The following SI variants were observed in gnomAD, a reference collection of about 807,000 sequenced individuals.
SI encodes the protein sucrase-isomaltase, intestinal.
In SI, 235 loss-of-function variants were observed where a neutral mutation model predicts 253.3. The observed-to-expected ratio is 0.93, with a 90% confidence interval of 0.83 to 1.03. SI has a LOEUF of 1.03. Ranked by LOEUF, SI falls within the 50% of genes least tolerant of loss-of-function variation. SI has a pLI of 0.00. For synonymous variants in SI, 819 were observed against 712.0 expected, an observed-to-expected ratio of 1.15 and a Z score of -2.39; for missense variants, 2,442 against 2,211.1, an observed-to-expected ratio of 1.10 and a Z score of -2.09.
chr3:164,985,555 G>A (rs1175663442), intron 45 of SI, among the ~76,000 whole-genome samples: 1 of 151,994 alleles, frequency 6.6e-6, no homozygotes, highest in Non-Finnish European at 1.5e-5. Context: ...TATTTCTTAT[G>A]GTTGCAGAAT....
intron 16 of SI, among the ~76,000 whole-genome samples, chr3:165,044,198 C>T (rs753876063): frequency 1.3e-5 from 2 of 151,758 alleles, no homozygotes; most frequent in African/African-American, 2.4e-5. Context: ...CTGAAAATAC[C>T]TGAAATCTGA....
chr3:165,038,076 T>G, intron 20 of SI, 52 bp from the exon 21 acceptor site: 1 of 1,490,468 alleles, frequency 6.7e-7, no homozygotes, highest in Non-Finnish European at 9.3e-7. Context: ...GACTTTAAAC[T>G]CTATTTCACA....
At chr3:165,038,127 C>T (rs562656021) in intron 20 of SI, 103 bp from the exon 21 acceptor site, 9 of 1,036,414 alleles carry the variant, frequency 8.7e-6, no homozygotes, top group Non-Finnish European at 1.3e-5. Flanking sequence ...TTCATGTCAT[C>T]CAAATGAATA....
At chr3:165,001,258 T>A (rs1338592315) in intron 37 of SI, among the ~76,000 whole-genome samples, 1 of 151,430 alleles carries the variant, frequency 6.6e-6, no homozygotes, top group Non-Finnish European at 1.5e-5. Flanking sequence ...TACAGACTGC[T>A]GTATAGTAGA....
chr3:165,017,637 A>G lies in SI; in HGVS notation c.3670T>C (p.Leu1224=). The G allele has an allele frequency of 6.2e-7, 1 of 1,612,834 alleles. No individual in the cohort carries two copies. The highest frequency in any genetic ancestry group is 8.5e-7 in the Non-Finnish European group (1 of 1,179,086). The change falls in exon 31 of 48, where the codon TTG becomes CTG. Residue 1224 remains leucine (L), a synonymous_variant. Transcript: ENST00000264382. ...CCATAACGACATAATTGGAATCCCAAAGCCCAATAAGCTGGCATGACTGGA... is the reference window on the plus strand; with the variant it reads ...CCATAACGACATAATTGGAATCCCAGAGCCCAATAAGCTGGCATGACTGGA... ...GHPVMPAYWA[L]GFQLCRYGYA... is the part of the protein sequence containing the mutation.
At chr3:165,067,557 A>G in intron 5 of SI, 66 bp from the exon 6 acceptor site, 3 of 1,316,610 alleles carry the variant, frequency 2.3e-6, no homozygotes, top group Non-Finnish European at 3.3e-6. Flanking sequence ...CCAGTTCTGA[A>G]TTATTAAATG....
At chr3:165,028,061 C>T (rs192873205) in intron 25 of SI, among the ~76,000 whole-genome samples, 34 of 151,444 alleles carry the variant, frequency 2.2e-4, no homozygotes, top group African/African-American at 7.2e-4. Context: ...CAAAAAGCTC[C>T]TAGAACTGAT....
chr3:165,073,224 C>G (rs1042126236), intron 3 of SI, among the ~76,000 whole-genome samples: 6 of 128,816 alleles, frequency 4.7e-5, no homozygotes, highest in Admixed American at 2.3e-4. Context: ...CTCTCTCTCT[C>G]TCTGTCTCTT....
At chr3:165,007,512 A>C (rs79622667) in intron 36 of SI, among the ~76,000 whole-genome samples, 18,340 of 151,980 alleles carry the variant, frequency 0.12, 1,175 homozygotes, top group South Asian at 0.17. Flanking sequence ...ACTTCTAAAA[A>C]CTTCCTTTCA....
chr3:165,053,389 G>C (rs1713534047), intron 13 of SI, among the ~76,000 whole-genome samples: 1 of 152,082 alleles, frequency 6.6e-6, no homozygotes, highest in Non-Finnish European at 1.5e-5. Flanking sequence ...ATAACAACTT[G>C]TTTTAGCTGG....
At position 165,032,529 on chromosome 3, in the gene SI, G is replaced by A; in HGVS notation, c.2729C>T (p.Ser910Phe). Reference sequence around the variant, plus strand: ...TTAAAAGATTGTAATTACCTGGTTAGAAGCATCATAAGTGAAATTGGAATG... The same window carrying A: ...TTAAAAGATTGTAATTACCTGGTTAAAAGCATCATAAGTGAAATTGGAATG... ...NAHSNFTYDA[S>F]NQVLLIADLK... The change falls in exon 24 of 48, where the codon TCT becomes TTT. Residue 910 changes from serine to phenylalanine, a missense_variant. Coordinates refer to ENST00000264382, the MANE Select transcript of SI (RefSeq NM_001041.4). The A allele has an allele frequency of 6.2e-7, 1 of 1,600,704 alleles. No homozygotes were observed. Among genetic ancestry groups the A allele is most frequent in the Non-Finnish European group, 8.5e-7 (1 of 1,169,842 alleles).
chr3:165,005,538 T>C lies in SI; in HGVS notation c.4406+1278A>G, dbSNP rs73163448. Among the ~76,000 whole-genome samples the C allele has an allele frequency of 8.8e-3, 1,337 of 152,202 alleles. 28 individuals are homozygous for C. The highest frequency in any genetic ancestry group is 0.05 in the East Asian group (258 of 5,156). On this transcript the variant is annotated intron_variant, in intron 37 of 47. Coordinates refer to ENST00000264382, the MANE Select transcript of SI (RefSeq NM_001041.4). ...AAAGAAAATCTCCAAGTGATTATAA[T>C]ATGTAGTCAAAAGCCAGGGATCTAC... is the stretch of plus-strand genomic sequence containing the variant.
intron 25 of SI, among the ~76,000 whole-genome samples, chr3:165,025,721 T>C (rs755497561): frequency 8.6e-5 from 13 of 151,346 alleles, no homozygotes; most frequent in Non-Finnish European, 1.6e-4. Context: ...GCCAAGACTT[T>C]TGTATCCAGA....
chr3:165,011,384 T>G (rs1337445270), intron 34 of SI, among the ~76,000 whole-genome samples: 4 of 151,824 alleles, frequency 2.6e-5, no homozygotes, highest in Non-Finnish European at 5.9e-5. Flanking sequence ...AAAAGTGGGT[T>G]GTTTAATTTC....
the SI span, among the ~76,000 whole-genome samples, chr3:165,087,684 T>C: frequency 6.6e-6 from 1 of 152,172 alleles, no homozygotes; most frequent in African/African-American, 2.4e-5. Flanking sequence ...TTTTATACTT[T>C]TTACCTCAGG....
At position 165,023,673 on chromosome 3, in the gene SI, A is replaced by T; in HGVS notation, c.2996T>A (p.Leu999His). 3 of 1,610,922 alleles carry T rather than the reference A, an allele frequency of 1.9e-6. No individual in the cohort carries two copies. The highest frequency in any genetic ancestry group is 1.7e-6 in the Non-Finnish European group (2 of 1,177,966). Residue 999 changes from leucine to histidine, a missense_variant, in exon 26 of 48, where the codon CTC becomes CAC. Coordinates refer to ENST00000264382, the MANE Select transcript of SI (RefSeq NM_001041.4). The stretch of plus-strand genomic sequence containing the variant: ...TCTGGCATTTGCAGTATTTAGTTGG[A>T]GGTCAGCTGTTATACCCATGGATGA... ...RYSSMGITAD[L>H]QLNTANARIK...
At chr3:165,048,584 T>TATAGAGAGAG (rs779292188) in intron 15 of SI, among the ~76,000 whole-genome samples, 13 of 125,266 alleles carry the variant, frequency 1.0e-4, no homozygotes, top group Non-Finnish European at 2.0e-4. Context: ...TATATATATA[T>TATAGAGAGAG]AGAGAGAGAG....
At position 165,006,847 on chromosome 3, in the gene SI, A is replaced by G; in HGVS notation, c.4375T>C (p.Tyr1459His). ...SVLHYDVHNL[Y>H]GWSQMKPTHD... ...GTAGGTTTCATCTGTGACCATCCAT[A>G]GAGATTGTGAACATCGTAATGCAAA... Residue 1459 changes from tyrosine (Y) to histidine (H), a missense_variant, in exon 37 of 48, where the codon TAT becomes CAT. By Grantham distance (83) the Tyr-to-His change is moderately conservative. Transcript: ENST00000264382. 1.2e-6 allele frequency: 2 copies of G among 1,612,772 alleles called. No homozygotes were observed. Among genetic ancestry groups the G allele is most frequent in the Non-Finnish European group, 1.7e-6 (2 of 1,179,024 alleles).
chr3:165,030,209 T>C (rs993770261), intron 25 of SI, among the ~76,000 whole-genome samples: 1 of 150,800 alleles, frequency 6.6e-6, no homozygotes, highest in African/African-American at 2.4e-5. Context: ...TCCTGTGACA[T>C]TGGTAAAAAC....
Sources: gnomAD v4.1 joint callset for allele counts (sites outside exome capture counted in the v4.1 genomes callset) on GRCh38, gnomAD v4.1.1 for gene constraint, MANE v1.5 for transcripts, NCBI Gene and HGNC (gene_info 2026-07-23, HGNC 2026-07-21) for gene names.